The following PLB1 variants were observed in gnomAD, a reference collection of about 807,000 sequenced individuals.
The protein encoded by PLB1 is phospholipase B1, membrane-associated.
PLB1 carries 242 observed loss-of-function variants against 227.4 expected under a neutral mutation model. That is an observed-to-expected ratio of 1.06 (90% CI 0.96 to 1.18). The LOEUF (loss-of-function observed/expected upper bound fraction) is 1.18, where lower values mean the gene tolerates loss of function less well. Among genes scored for constraint, PLB1 ranks in the 50% most tolerant of loss-of-function variants. The probability of loss-of-function intolerance (pLI) is 0.00; values close to 1 mark genes in which losing one functional copy is unlikely to be tolerated. For synonymous variants in PLB1, 757 were observed against 682.2 expected (o/e 1.11, Z -1.71); for missense variants, 1,858 against 1,816.3 (o/e 1.02, Z -0.42).
chr2:28,628,435 C>G (rs949057996), intron 51 of PLB1, 128 bp from the exon 52 acceptor site: 1 of 753,348 alleles, frequency 1.3e-6, no homozygotes. Flanking sequence ...CTCAGTTTGA[C>G]CAGGACCACC....
intron 14 of PLB1, among the ~76,000 whole-genome samples, chr2:28,547,393 C>T (rs981037049): frequency 6.6e-6 from 1 of 152,160 alleles, no homozygotes; most frequent in Non-Finnish European, 1.5e-5. Flanking sequence ...ATTTCCTCTC[C>T]TAGGCCTTGA....
intron 43 of PLB1, among the ~76,000 whole-genome samples, chr2:28,606,909 A>G (rs1209330824): frequency 1.3e-5 from 2 of 152,176 alleles, no homozygotes; most frequent in South Asian, 2.1e-4. Context: ...TGTTTGGGGC[A>G]GATGAAAAAA....
intron 4 of PLB1, among the ~76,000 whole-genome samples, chr2:28,524,013 T>C (rs1042929160): frequency 6.6e-6 from 1 of 152,366 alleles, no homozygotes; most frequent in Middle Eastern, 3.4e-3. Flanking sequence ...CTGTCTCTTA[T>C]TGAGGAGCAA....
At chr2:28,546,002 C>G (rs944867265) in intron 14 of PLB1, among the ~76,000 whole-genome samples, 3 of 152,190 alleles carry the variant, frequency 2.0e-5, no homozygotes, top group Admixed American at 6.5e-5. Flanking sequence ...CATCCTCCCT[C>G]CCTCCCTCAT....
chr2:28,627,663 T>C (rs1687992176), intron 51 of PLB1, among the ~76,000 whole-genome samples: 2 of 152,176 alleles, frequency 1.3e-5, no homozygotes, highest in East Asian at 3.9e-4. Flanking sequence ...GGCCAGAAAC[T>C]CAGCGAACAG....
At chr2:28,570,602 A>G (rs566705451) in intron 20 of PLB1, among the ~76,000 whole-genome samples, 179 of 152,284 alleles carry the variant, frequency 1.2e-3, no homozygotes, top group African/African-American at 4.2e-3. Context: ...CCTGGCCAAC[A>G]TTGTGAAACC....
In PLB1 at chr2:28,606,563, C is replaced by G; in HGVS notation, c.3125C>G (p.Thr1042Ser). The change falls in exon 43 of 58, where the codon ACT becomes AGT. Residue 1042 changes from threonine (T) to serine (S), a missense_variant. Coordinates refer to ENST00000327757, the MANE Select transcript of PLB1 (RefSeq NM_153021.5). The part of the protein sequence containing the change: ...LRAEMPITCP[T>S]QNEPFLRTPR... ...GCAGAGATGCCCATCACCTGTCCCA[C>G]TCAGGTAGTAGGGGAGGACCTGCCT... The G allele has an allele frequency of 6.2e-7, 1 of 1,614,120 alleles. No individual in the cohort carries two copies. Among genetic ancestry groups the G allele is most frequent in the Non-Finnish European group, 8.5e-7 (1 of 1,179,948 alleles).
chr2:28,628,719 CAG>C, intron 52 of PLB1, 91 bp downstream of exon 52: 2 of 1,247,238 alleles, frequency 1.6e-6, no homozygotes, highest in South Asian at 2.5e-5. Flanking sequence ...GCTCACGGAG[CAG>C]AGACCCGCCA....
chr2:28,632,985 T>G lies in PLB1; in HGVS notation c.4044T>G (p.Phe1348Leu). 2 of 1,614,116 alleles carry G rather than the reference T, an allele frequency of 1.2e-6. No individual in the cohort carries two copies. Among genetic ancestry groups the G allele is most frequent in the Non-Finnish European group, 1.7e-6 (2 of 1,180,014 alleles). ...TDLTFFSEDC[F>L]HFSDRGHAEM... is the part of the protein sequence containing the mutation. ...TCACCTTCTTCTCCGAGGACTGTTT[T>G]CACTTCTCAGACCGCGGGCATGCCG... The change falls in exon 56 of 58, where the codon TTT (phenylalanine) becomes TTG (leucine). Residue 1348 changes from phenylalanine (F) to leucine (L), a missense_variant. By Grantham distance (22) the Phe-to-Leu change is conservative. Transcript: ENST00000327757.
intron 55 of PLB1, 151 bp from the exon 56 acceptor site, chr2:28,632,793 C>T (rs574734278): frequency 1.4e-5 from 9 of 621,642 alleles, no homozygotes; most frequent in Non-Finnish European, 2.5e-5. Flanking sequence ...ATTCTAAATT[C>T]TGGGAGTTTT....
rs548928399 is a variant in PLB1 at position 28,618,700 on chromosome 2, G to A, written c.3315+301G>A. ...TTGGTGTGTGATGGCACTCATTCAAGTCTGCCTGCCTTCATCAGGGGACTC... is the reference window on the plus strand; with the variant it reads ...TTGGTGTGTGATGGCACTCATTCAAATCTGCCTGCCTTCATCAGGGGACTC... On this transcript the variant is annotated intron_variant, in intron 46 of 57. Transcript: ENST00000327757. 1.3e-4 allele frequency among the ~76,000 whole-genome samples: 20 copies of A among 152,296 alleles called. No homozygotes were observed. In the South Asian group the frequency reaches 4.1e-3, roughly 32 times the overall value.
At chr2:28,538,149 C>CA in intron 9 of PLB1, 170 bp from the exon 10 acceptor site, 4 of 823,972 alleles carry the variant, frequency 4.9e-6, no homozygotes, top group Admixed American at 2.1e-5. Context: ...AAAATGAAGA[C>CA]AAAACTAGGA....
intron 25 of PLB1, among the ~76,000 whole-genome samples, chr2:28,584,206 T>C (rs1680529956): frequency 6.6e-6 from 1 of 152,192 alleles, no homozygotes; most frequent in African/African-American, 2.4e-5. Flanking sequence ...GTTTGCTGAA[T>C]GACTGAATAA....
rs2148247499 is a variant in PLB1, at chr2:28,567,980, T to C, written c.1324+1141T>C. On this transcript the variant is annotated intron_variant, in intron 20 of 57. Transcript: ENST00000327757. Reference sequence around the variant, plus strand: ...CTGGTACATAGCCCTTTGTAATATATATTTAGAAGCTAACAACTTGAAGCC... The same window carrying C: ...CTGGTACATAGCCCTTTGTAATATACATTTAGAAGCTAACAACTTGAAGCC... Among the ~76,000 whole-genome samples, 2 of 152,292 alleles carry C rather than the reference T, an allele frequency of 1.3e-5. 1 individual carries two copies. Among genetic ancestry groups the C allele is most frequent in the South Asian group, 4.1e-4 (2 of 4,826 alleles).
chr2:28,612,258 G>A (rs915647057), intron 43 of PLB1, among the ~76,000 whole-genome samples: 8 of 152,182 alleles, frequency 5.3e-5, no homozygotes, highest in Non-Finnish European at 1.2e-4. Context: ...TCTGAGCTGG[G>A]GGCTGAGAGC....
chr2:28,585,020 C>T (rs1383536714), intron 25 of PLB1, among the ~76,000 whole-genome samples: 4 of 152,144 alleles, frequency 2.6e-5, no homozygotes, highest in Admixed American at 2.6e-4. Context: ...GAGGACTAAA[C>T]AGGTTAATAC....
At chr2:28,543,167 T>C in intron 13 of PLB1, 45 bp from the exon 14 acceptor site, 2 of 1,572,160 alleles carry the variant, frequency 1.3e-6, no homozygotes, top group East Asian at 4.6e-5. Flanking sequence ...TCCGTTGCAT[T>C]CCTGGGGAGA....
intron 25 of PLB1, among the ~76,000 whole-genome samples, chr2:28,585,061 A>G (rs890068003): frequency 1.5e-4 from 23 of 152,318 alleles, no homozygotes; most frequent in Middle Eastern, 6.8e-3. Flanking sequence ...TGCTTGGTAC[A>G]GTGTTCAATG....
At chr2:28,520,232 CT>C (rs57897168) in intron 4 of PLB1, among the ~76,000 whole-genome samples, 128,173 of 148,714 alleles carry the variant, frequency 0.86, 55,282 homozygotes, top group East Asian at 0.98. Context: ...CCAGCCGAAT[CT>C]TTTTTTTTTT....
Sources: allele counts gnomAD v4.1 joint callset (sites outside exome capture counted in the v4.1 genomes callset), GRCh38; gene constraint gnomAD v4.1.1; transcripts MANE v1.5; gene names NCBI Gene and HGNC (gene_info 2026-07-23, HGNC 2026-07-21).